KCNK10: variants seen among roughly 807,000 people sequenced by gnomAD.
KCNK10 encodes the protein potassium channel subfamily K member 10.
Under a neutral mutation model 47.7 loss-of-function variants are expected in KCNK10, and 25 were observed. The ratio of observed to expected loss-of-function variants is 0.52; its 90% CI spans 0.38 to 0.73. The LOEUF is 0.73. Among genes scored for constraint, KCNK10 ranks in the 30% least tolerant of loss-of-function variants. The pLI, the probability that KCNK10 is intolerant of heterozygous loss-of-function variation, is 0.00. For missense variants in KCNK10, 563 were observed against 714.5 expected (o/e 0.79, Z 2.42); for synonymous variants, 303 against 285.6 (o/e 1.06, Z -0.61).
At chr14:88,292,603 G>A (rs371125820) in intron 1 of KCNK10, among the ~76,000 whole-genome samples, 85 of 151,830 alleles carry the variant, frequency 5.6e-4, no homozygotes, top group Admixed American at 7.9e-4. Context: ...TACCCACCTC[G>A]GCCTCCCAGA....
chr14:88,265,711 T>G (rs1270098344), intron 1 of KCNK10, among the ~76,000 whole-genome samples: 1 of 151,996 alleles, frequency 6.6e-6, no homozygotes, highest in Non-Finnish European at 1.5e-5. Flanking sequence ...CTTGGGGGAG[T>G]GACCCCGTGG....
intron 1 of KCNK10, among the ~76,000 whole-genome samples, chr14:88,299,091 T>C (rs369108355): frequency 7.0e-4 from 107 of 152,356 alleles, no homozygotes; most frequent in African/African-American, 2.3e-3. Context: ...TGTCATTGCA[T>C]CTCTCTTACA....
chr14:88,243,263 A>G (rs151205603), intron 2 of KCNK10, among the ~76,000 whole-genome samples: 14 of 152,350 alleles, frequency 9.2e-5, no homozygotes, highest in Non-Finnish European at 1.8e-4. Context: ...CCTTTCTACA[A>G]CTTGTGTGTG....
chr14:88,237,596 G>A (rs6575000), intron 3 of KCNK10, among the ~76,000 whole-genome samples: 30,224 of 152,140 alleles, frequency 0.2, 3,277 homozygotes, highest in East Asian at 0.39. Flanking sequence ...GAATGGATGT[G>A]GTATTAGCAA....
intron 3 of KCNK10, among the ~76,000 whole-genome samples, chr14:88,233,843 G>C (rs931099997): frequency 8.5e-5 from 13 of 152,160 alleles, no homozygotes; most frequent in Admixed American, 5.9e-4. Context: ...CAATGCAGCA[G>C]ACAGATCATT....
At position 88,185,468 on chromosome 14, in the gene KCNK10, G is replaced by T. The variant is rs1156380251; in HGVS notation, c.*67C>A. 3.9e-6 allele frequency: 6 copies of T among 1,528,252 alleles called. No homozygotes were observed. Among genetic ancestry groups the T allele is most frequent in the Non-Finnish European group, 5.3e-6 (6 of 1,138,716 alleles). 94.7% of individuals were successfully genotyped at this position (1,528,252 alleles called of 1,614,324 possible). A position where few individuals can be genotyped will look rare whatever the true frequency, so the allele number is the denominator to read the frequency against. ...AAGTCTGTTTAAGGCACATGTCTCA[G>T]TGTGAATATTAAAAACACACACACA... On this transcript the variant is annotated 3_prime_UTR_variant, in exon 7 of 7. Coordinates refer to ENST00000319231, the MANE Select transcript of KCNK10 (RefSeq NM_138317.3). This position sits in a 1 kb window ranked among gnomAD's most constrained non-coding sequence, Gnocchi z 4.3.
At chr14:88,193,703 C>T (rs1255987933) in intron 4 of KCNK10, among the ~76,000 whole-genome samples, 1 of 152,176 alleles carries the variant, frequency 6.6e-6, no homozygotes, top group South Asian at 2.1e-4. Flanking sequence ...ACATGCAAAA[C>T]TGAAGCCAAG....
intron 3 of KCNK10, chr14:88,235,344 T>C: frequency 2.4e-6 from 1 of 423,380 alleles, no homozygotes; most frequent in Admixed American, 2.7e-5. Context: ...AGAAAAAAAA[T>C]GTGAAAAGAG....
rs192786502 is a variant in KCNK10, at chr14:88,260,233, G to A, written c.402+2969C>T. Reference sequence around the variant, plus strand: ...GCTGGGATTACAGGTGTAAGCCACCGCGCCAGGCCAAGATATGGTTGTTTA... The same window carrying A: ...GCTGGGATTACAGGTGTAAGCCACCACGCCAGGCCAAGATATGGTTGTTTA... On this transcript the variant is annotated intron_variant, in intron 2 of 6. Coordinates refer to ENST00000319231, the MANE Select transcript of KCNK10 (RefSeq NM_138317.3). This position sits in a 1 kb window ranked among gnomAD's most constrained non-coding sequence, Gnocchi z 4.5. Among the ~76,000 whole-genome samples the A allele has an allele frequency of 3.8e-4, 58 of 152,198 alleles. No homozygotes were observed. Among genetic ancestry groups the A allele is most frequent in the African/African-American group, 7.5e-4 (31 of 41,518 alleles).
intron 1 of KCNK10, among the ~76,000 whole-genome samples, chr14:88,299,355 C>A (rs764882777): frequency 1.4e-4 from 22 of 152,170 alleles, no homozygotes; most frequent in Non-Finnish European, 2.6e-4. Context: ...ACCTGTCAGG[C>A]CTACATCTCA....
At chr14:88,235,007 CAA>C (rs1886260213) in intron 3 of KCNK10, 2 of 436,280 alleles carry the variant, frequency 4.6e-6, no homozygotes, top group Non-Finnish European at 9.3e-6. Flanking sequence ...CTCTGAACTT[CAA>C]AAGAGATGTC....
intron 1 of KCNK10, 43 bp from the exon 2 acceptor site, chr14:88,263,594 T>C: frequency 6.6e-7 from 1 of 1,505,930 alleles, no homozygotes; most frequent in Non-Finnish European, 9.0e-7. Context: ...AGAGTTTGTT[T>C]ATAAATAAAT....
At chr14:88,242,259 AG>A (rs1331341105) in intron 2 of KCNK10, among the ~76,000 whole-genome samples, 1 of 152,236 alleles carries the variant, frequency 6.6e-6, no homozygotes, top group Non-Finnish European at 1.5e-5. Flanking sequence ...CTTTCATCTG[AG>A]TTATTTCAAA....
At chr14:88,310,539 C>T (rs1314131456) in intron 1 of KCNK10, among the ~76,000 whole-genome samples, 1 of 152,104 alleles carries the variant, frequency 6.6e-6, no homozygotes, top group Admixed American at 6.5e-5. Context: ...CAAATCCCAC[C>T]CCCTGTGGCT....
At chr14:88,323,293 G>C (rs772680351), upstream of KCNK10, 13 of 985,100 alleles carry the variant, frequency 1.3e-5, no homozygotes, top group Non-Finnish European at 1.6e-5. Flanking sequence ...AGCCTCGCTC[G>C]GCCGCGCTGA....
intron 1 of KCNK10, among the ~76,000 whole-genome samples, chr14:88,286,734 T>G (rs1887769612): frequency 6.6e-6 from 1 of 152,132 alleles, no homozygotes; most frequent in Non-Finnish European, 1.5e-5. Flanking sequence ...GGAAAACCCC[T>G]TATAAAACCA....
chr14:88,265,881 A>G (rs1214956420), intron 1 of KCNK10, among the ~76,000 whole-genome samples: 1 of 152,100 alleles, frequency 6.6e-6, no homozygotes, highest in Non-Finnish European at 1.5e-5. Flanking sequence ...TTTACCCTCC[A>G]CCATGATTGT....
chr14:88,195,983 A>C (rs766188607), intron 4 of KCNK10, among the ~76,000 whole-genome samples: 3 of 152,210 alleles, frequency 2.0e-5, no homozygotes, highest in Non-Finnish European at 2.9e-5. Context: ...TAACTGAGCT[A>C]ATGTGTCCTT....
At chr14:88,249,151 T>C (rs1409122393) in intron 2 of KCNK10, among the ~76,000 whole-genome samples, 1 of 152,170 alleles carries the variant, frequency 6.6e-6, no homozygotes. Flanking sequence ...GTATGTCTCA[T>C]CTCCATTTTT....
Sources: allele counts gnomAD v4.1 joint callset (sites outside exome capture counted in the v4.1 genomes callset), GRCh38; gene constraint gnomAD v4.1.1; non-coding constraint Gnocchi (gnomAD v3.1); transcripts MANE v1.5; gene names NCBI Gene and HGNC (gene_info 2026-07-23, HGNC 2026-07-21).